Variants in KIF26B observed in about 807,000 individuals in gnomAD.
The protein encoded by KIF26B is kinesin-like protein KIF26B.
Under a neutral mutation model 151.2 loss-of-function variants are expected in KIF26B, and 63 were observed. The ratio of observed to expected loss-of-function variants is 0.42; its 90% CI spans 0.34 to 0.51. The LOEUF (loss-of-function observed/expected upper bound fraction) is 0.51, where lower values mean the gene tolerates loss of function less well. Among genes scored for constraint, KIF26B ranks in the 20% least tolerant of loss-of-function variants. KIF26B has a pLI of 0.07. For missense variants in KIF26B, 2,813 were observed against 2,913.6 expected, an observed-to-expected ratio of 0.97 and a Z score of 0.79; for synonymous variants, 1,357 against 1,262.1, an observed-to-expected ratio of 1.08 and a Z score of -1.59.
chr1:245,555,156 A>T (rs1364079688), intron 5 of KIF26B, among the ~76,000 whole-genome samples: 1 of 152,152 alleles, frequency 6.6e-6, no homozygotes. Context: ...GATAGGTGAG[A>T]AGCACCAGGG....
intron 2 of KIF26B, among the ~76,000 whole-genome samples, chr1:245,159,909 T>A (rs1269222624): frequency 6.6e-6 from 1 of 151,636 alleles, no homozygotes; most frequent in African/African-American, 2.4e-5. Flanking sequence ...CGTAACGGAG[T>A]GGGTGATAGT....
At chr1:245,413,852 C>T (rs572285535) in intron 3 of KIF26B, among the ~76,000 whole-genome samples, 4 of 152,250 alleles carry the variant, frequency 2.6e-5, no homozygotes, top group South Asian at 2.1e-4. Context: ...ACATGCTGCA[C>T]AGAAGCCACC....
At chr1:245,335,509 G>A (rs916606651) in intron 2 of KIF26B, among the ~76,000 whole-genome samples, 4 of 152,248 alleles carry the variant, frequency 2.6e-5, no homozygotes, top group South Asian at 2.1e-4. Context: ...TTGGGAAGGA[G>A]TCAGGATGGG....
At chr1:245,289,234 A>G (rs1297404843) in intron 2 of KIF26B, among the ~76,000 whole-genome samples, 2 of 152,244 alleles carry the variant, frequency 1.3e-5, no homozygotes, top group African/African-American at 4.8e-5. Flanking sequence ...ATTTAGTCGT[A>G]AATGTGGTTA....
At chr1:245,284,653 G>C (rs1056887223) in intron 2 of KIF26B, among the ~76,000 whole-genome samples, 1 of 152,158 alleles carries the variant, frequency 6.6e-6, no homozygotes, top group Non-Finnish European at 1.5e-5. Flanking sequence ...TTCTAAAAAT[G>C]TAAAGCAAAT....
At position 245,387,959 on chromosome 1, in the gene KIF26B, G is replaced by A. The variant is rs111324803; in HGVS notation, c.999+20592G>A. Among the ~76,000 whole-genome samples the A allele has an allele frequency of 6.3e-4, 96 of 152,260 alleles. 1 individual carries two copies. The highest frequency in any genetic ancestry group is 2.1e-3 in the African/African-American group (89 of 41,554). The stretch of plus-strand genomic sequence containing the variant: ...GCGTTTACTAACTTTGTTCTCATGC[G>A]TGCTTCTATTTTTGAGGCCAGAATA... On this transcript the variant is annotated intron_variant, in intron 3 of 14. Transcript: ENST00000407071.
chr1:245,313,751 T>G (rs1036781255), intron 2 of KIF26B, among the ~76,000 whole-genome samples: 3 of 152,214 alleles, frequency 2.0e-5, no homozygotes, highest in African/African-American at 7.2e-5. Context: ...TTCCTAAGTC[T>G]CTGCACATGA....
At chr1:245,542,119 A>G (rs1207307699) in intron 5 of KIF26B, among the ~76,000 whole-genome samples, 1 of 152,224 alleles carries the variant, frequency 6.6e-6, no homozygotes, top group East Asian at 1.9e-4. Context: ...TTGGGAGGCC[A>G]CAGCAAGAGA....
At chr1:245,465,416 G>GC (rs1659764227) in intron 4 of KIF26B, among the ~76,000 whole-genome samples, 1 of 140,728 alleles carries the variant, frequency 7.1e-6, no homozygotes, top group South Asian at 2.3e-4. Flanking sequence ...AGGGGGAAAA[G>GC]CATCACTGCT....
Position 245,688,694 on chromosome 1 carries a change from A to ACAGCGAGGCCACCGGCAGCGCGT in KIF26B, c.5713_5735dup (p.Ser1913AlafsTer56), listed in dbSNP as rs1489386293. The ACAGCGAGGCCACCGGCAGCGCGT allele has an allele frequency of 6.2e-7, 1 of 1,606,662 alleles. No individual in the cohort carries two copies. The highest frequency in any genetic ancestry group is 8.5e-7 in the Non-Finnish European group (1 of 1,177,620). On this transcript the variant is annotated frameshift_variant, in exon 12 of 15. Coordinates refer to ENST00000407071, the MANE Select transcript of KIF26B (RefSeq NM_018012.4). LOFTEE classifies it high-confidence loss of function. ...AGCGGCTACGAGAGCGTGATGCGGG[A>ACAGCGAGGCCACCGGCAGCGCGT]CAGCGAGGCCACCGGCAGCGCGTCC...
intron 2 of KIF26B, among the ~76,000 whole-genome samples, chr1:245,343,664 T>C (rs1345641024): frequency 1.3e-5 from 2 of 152,174 alleles, no homozygotes; most frequent in African/African-American, 4.8e-5. Flanking sequence ...CAAAACCCAG[T>C]GTATTATTCT....
intron 5 of KIF26B, among the ~76,000 whole-genome samples, chr1:245,576,491 C>T (rs2043119985): frequency 6.6e-6 from 1 of 152,160 alleles, no homozygotes; most frequent in African/African-American, 2.4e-5. Flanking sequence ...AGCGTGACAG[C>T]CCAGTGGGAG....
intron 14 of KIF26B, among the ~76,000 whole-genome samples, chr1:245,699,636 C>A (rs2044742361): frequency 1.3e-5 from 2 of 152,118 alleles, no homozygotes; most frequent in African/African-American, 2.4e-5. Flanking sequence ...TAGTTCCTGA[C>A]CATTCCATTT....
intron 2 of KIF26B, among the ~76,000 whole-genome samples, chr1:245,303,142 C>A (rs1197411361): frequency 6.6e-6 from 1 of 151,462 alleles, no homozygotes; most frequent in African/African-American, 2.4e-5. Flanking sequence ...TACTTTGCTG[C>A]ACCTGAATTC....
chr1:245,379,557 C>T (rs1174002), intron 3 of KIF26B, among the ~76,000 whole-genome samples: 88,812 of 151,254 alleles, frequency 0.59, 27,192 homozygotes, highest in African/African-American at 0.76. Flanking sequence ...GTTTCCTTAT[C>T]TATATGCTTA....
Position 245,686,067 on chromosome 1 carries a change from CAGT to C in KIF26B, c.3087_3089del (p.Ser1030del). On this transcript the variant is annotated inframe_deletion, in exon 12 of 15. Transcript: ENST00000407071. The surrounding 1 kb of genome is among the most constrained non-coding windows in gnomAD (Gnocchi z 5.6). ...CCTCACCCAGGAGCGTCCCGGGCAG[CAGT>C]AGCCAGCACAGCGCCTCCCCACTCG... 6.3e-7 allele frequency: 1 copy of C among 1,598,124 alleles called. No individual in the cohort carries two copies. The highest frequency in any genetic ancestry group is 1.7e-5 in the Admixed American group (1 of 57,456).
chr1:245,217,669 C>T (rs569379233), intron 2 of KIF26B, among the ~76,000 whole-genome samples: 15 of 152,158 alleles, frequency 9.9e-5, no homozygotes, highest in African/African-American at 3.6e-4. Flanking sequence ...TGCGCCCGGT[C>T]GATTGTTTTA....
Position 245,688,326 on chromosome 1 carries a change from C to G in KIF26B, c.5343C>G (p.Pro1781=), listed in dbSNP as rs1169231297. 6.3e-7 allele frequency: 1 copy of G among 1,593,038 alleles called. No homozygotes were observed. Among genetic ancestry groups the G allele is most frequent in the Non-Finnish European group, 8.5e-7 (1 of 1,177,370 alleles). The change falls in exon 12 of 15, where the codon CCC becomes CCG. Residue 1781 remains proline (P), a synonymous_variant. Coordinates refer to ENST00000407071, the MANE Select transcript of KIF26B (RefSeq NM_018012.4). ...SSSPPGGKHT[P]WSTQSLSRNR... ...CGCCCCCCGGTGGGAAGCACACGCC[C>G]TGGTCCACGCAGTCCCTCAGCAGGA...
intron 5 of KIF26B, among the ~76,000 whole-genome samples, chr1:245,571,603 G>A (rs986465043): frequency 1.3e-5 from 2 of 152,204 alleles, no homozygotes; most frequent in Non-Finnish European, 2.9e-5. Context: ...TTAAGTAACA[G>A]AATCAATTAA....
Sources: allele counts gnomAD v4.1 joint callset (sites outside exome capture counted in the v4.1 genomes callset), GRCh38; gene constraint gnomAD v4.1.1; non-coding constraint Gnocchi (gnomAD v3.1); transcripts MANE v1.5; gene names NCBI Gene and HGNC (gene_info 2026-07-23, HGNC 2026-07-21).